PPP2R2A: variants seen among roughly 807,000 people sequenced by gnomAD.
The protein encoded by PPP2R2A is serine/threonine-protein phosphatase 2A 55 kDa regulatory subunit B alpha isoform.
Under a neutral mutation model 53.2 loss-of-function variants are expected in PPP2R2A, and 9 were observed. That is an observed-to-expected ratio of 0.17 (90% CI 0.10 to 0.30). The LOEUF is 0.30. PPP2R2A is among the 10% of genes least tolerant of loss of function. The pLI is 1.00. For missense variants in PPP2R2A, 235 were observed against 534.6 expected (o/e 0.44, Z 5.53); for synonymous variants, 169 against 174.2 (o/e 0.97, Z 0.23).
At chr8:26,307,016 T>C (rs540763376) in intron 2 of PPP2R2A, among the ~76,000 whole-genome samples, 1 of 152,318 alleles carries the variant, frequency 6.6e-6, no homozygotes, top group East Asian at 1.9e-4. Flanking sequence ...CATTTTGGAC[T>C]TGAAAGTAGG....
intron 1 of PPP2R2A, chr8:26,293,129 C>G: frequency 9.2e-7 from 1 of 1,082,578 alleles, no homozygotes; most frequent in Non-Finnish European, 1.3e-6. Context: ...TTCTTTTCCT[C>G]TCTGTCTGGA....
chr8:26,370,374 TACAA>T lies in PPP2R2A; in HGVS notation c.1310_1313del (p.Asn437IlefsTer9). The T allele has an allele frequency of 6.2e-7, 1 of 1,614,210 alleles. No homozygotes were observed. Among genetic ancestry groups the T allele is most frequent in the Non-Finnish European group, 8.5e-7 (1 of 1,180,028 alleles). ...AGGAAAATATCATTGCCGTAGCTAC[TACAA>T]ACAATCTGTATATATTTCAAGACAA... is the stretch of plus-strand genomic sequence containing the variant. On this transcript the variant is annotated frameshift_variant, in exon 10 of 10. Transcript: ENST00000380737. LOFTEE classifies it high-confidence loss of function. This position sits in a 1 kb window ranked among gnomAD's most constrained non-coding sequence, Gnocchi z 6.1.
intron 2 of PPP2R2A, among the ~76,000 whole-genome samples, chr8:26,322,592 A>G (rs1036441198): frequency 1.7e-4 from 25 of 146,364 alleles, no homozygotes; most frequent in Non-Finnish European, 2.7e-4. Context: ...ACTACTTGGG[A>G]AAAAAAAAAA....
chr8:26,353,186 G>A (rs1468460530), intron 3 of PPP2R2A, among the ~76,000 whole-genome samples: 1 of 152,092 alleles, frequency 6.6e-6, no homozygotes, highest in East Asian at 1.9e-4. Context: ...TTTGTGTATG[G>A]GTATGGTGAT....
rs112898383 is a variant in PPP2R2A, at chr8:26,364,699, C to A, written c.972+809C>A. Among the ~76,000 whole-genome samples the A allele has an allele frequency of 1.7e-3, 260 of 152,260 alleles. 2 individuals are homozygous for A. The highest frequency in any genetic ancestry group is 6.1e-3 in the African/African-American group (255 of 41,542). On this transcript the variant is annotated intron_variant, in intron 8 of 9. Coordinates refer to ENST00000380737, the MANE Select transcript of PPP2R2A (RefSeq NM_002717.4). Reference sequence around the variant, plus strand: ...GATACGTGAAATTTCAAAATAAATACTGCACTGAAACAAAAGACAAAATAC... The same window carrying A: ...GATACGTGAAATTTCAAAATAAATAATGCACTGAAACAAAAGACAAAATAC...
At position 26,355,586 on chromosome 8, in the gene PPP2R2A, C is replaced by T. The variant is rs571136850; in HGVS notation, c.346+953C>T. Among the ~76,000 whole-genome samples the T allele has an allele frequency of 1.1e-3, 163 of 152,128 alleles. 1 individual carries two copies. The highest frequency in any genetic ancestry group is 1.1e-3 in the Non-Finnish European group (78 of 67,990). ...GGATTAAAAGTTAGTAATGACAGGC[C>T]GGGCGTGGTGGCTCACGCCTGTAAT... On this transcript the variant is annotated intron_variant, in intron 4 of 9. Coordinates refer to ENST00000380737, the MANE Select transcript of PPP2R2A (RefSeq NM_002717.4).
Position 26,359,295 on chromosome 8 carries a change from G to A in PPP2R2A, c.347-874G>A, listed in dbSNP as rs79262605. ...CTAAATGCAGTGTTGTTTGAATTCT[G>A]GAGCAGAAAAGGAATGTTAGTGGAA... On this transcript the variant is annotated intron_variant, in intron 4 of 9. Coordinates refer to ENST00000380737, the MANE Select transcript of PPP2R2A (RefSeq NM_002717.4). Among the ~76,000 whole-genome samples, 426 of 152,284 alleles carry A rather than the reference G, an allele frequency of 2.8e-3. 2 individuals are homozygous for A. The highest frequency in any genetic ancestry group is 9.6e-3 in the African/African-American group (399 of 41,554).
intron 2 of PPP2R2A, among the ~76,000 whole-genome samples, chr8:26,328,316 T>C (rs930899228): frequency 2.0e-5 from 3 of 152,218 alleles, no homozygotes; most frequent in African/African-American, 7.2e-5. Context: ...AAAAACTTAG[T>C]ATGAACTATA....
At chr8:26,329,311 A>G (rs1319373620) in intron 2 of PPP2R2A, among the ~76,000 whole-genome samples, 1 of 152,000 alleles carries the variant, frequency 6.6e-6, no homozygotes, top group Non-Finnish European at 1.5e-5. Context: ...TGTATTTGTC[A>G]TTTATATTTT....
chr8:26,305,346 G>A (rs1467177405), intron 2 of PPP2R2A, among the ~76,000 whole-genome samples: 1 of 151,912 alleles, frequency 6.6e-6, no homozygotes, highest in Non-Finnish European at 1.5e-5. Context: ...TTTAACTCTC[G>A]AGCTCCTAGT....
chr8:26,365,499 C>G (rs532230546), intron 8 of PPP2R2A: 1 of 152,242 alleles, frequency 6.6e-6, no homozygotes, highest in African/African-American at 2.4e-5. Flanking sequence ...TTAGAAGGTA[C>G]CTTCTCATTT....
Position 26,360,747 on chromosome 8 carries a change from AATTCTAATAGT to A in PPP2R2A, c.460-223_460-213del. The A allele has an allele frequency of 2.2e-6, 1 of 456,270 alleles. No homozygotes were observed. The highest frequency in any genetic ancestry group is 3.8e-6 in the Non-Finnish European group (1 of 263,612). 28.3% of individuals were successfully genotyped at this position (456,270 alleles called of 1,614,324 possible). Reference sequence around the variant, plus strand: ...CAAAATATTGAAACTAAGAACTGCAAATTCTAATAGTATTGCAACCAGTAAAAGAAGATATA... The same window carrying A: ...CAAAATATTGAAACTAAGAACTGCAAATTGCAACCAGTAAAAGAAGATATA... On this transcript the variant is annotated intron_variant, in intron 5 of 9. Transcript: ENST00000380737. This position sits in a 1 kb window ranked among gnomAD's most constrained non-coding sequence, Gnocchi z 4.5.
intron 3 of PPP2R2A, among the ~76,000 whole-genome samples, chr8:26,351,171 T>G (rs1804483219): frequency 6.6e-6 from 1 of 152,112 alleles, no homozygotes; most frequent in African/African-American, 2.4e-5. Flanking sequence ...TAAGAAATAC[T>G]TTTCAACCCC....
At chr8:26,318,647 C>T (rs901628424) in intron 2 of PPP2R2A, among the ~76,000 whole-genome samples, 5 of 152,070 alleles carry the variant, frequency 3.3e-5, no homozygotes, top group African/African-American at 7.2e-5. Context: ...AAATTGATAC[C>T]GCAGGGTTAT....
rs572254963 is a variant in PPP2R2A, at chr8:26,316,966, C to G, written c.83-21924C>G. Among the ~76,000 whole-genome samples the G allele has an allele frequency of 4.0e-4, 61 of 152,302 alleles. 3 individuals carry two copies. In the South Asian group the frequency reaches 0.011, roughly 28 times the overall value. Reference sequence around the variant, plus strand: ...TAGTCAGTTACTGATTGCAGGGCAACTAAAATACCAGTTTTCCATTGGGAA... The same window carrying G: ...TAGTCAGTTACTGATTGCAGGGCAAGTAAAATACCAGTTTTCCATTGGGAA... On this transcript the variant is annotated intron_variant, in intron 2 of 9. Transcript: ENST00000380737.
chr8:26,341,543 A>C (rs774581786), intron 3 of PPP2R2A, among the ~76,000 whole-genome samples: 7 of 152,214 alleles, frequency 4.6e-5, no homozygotes, highest in Admixed American at 2.6e-4. Context: ...TAAAATCCAA[A>C]TTATTTAACA....
rs949097626 is a variant in PPP2R2A at position 26,291,570 on chromosome 8, C to T, written c.-250C>T. 2.8e-5 allele frequency: 15 copies of T among 539,786 alleles called. No homozygotes were observed. The East Asian group carries it at 4.1e-4, about 15-fold the overall frequency. The allele number at this position is 539,786 out of a possible 1,614,324, so 33.4% of individuals were successfully genotyped here. The stretch of plus-strand genomic sequence containing the variant: ...CCCCTGCCGCTGCCGCCGCCGCCGT[C>T]GCTGTCGTAGTCGCCGCCGCCGCTG... On this transcript the variant is annotated 5_prime_UTR_variant, in exon 1 of 10. Coordinates refer to ENST00000380737, the MANE Select transcript of PPP2R2A (RefSeq NM_002717.4).
At chr8:26,335,774 C>T (rs1803625108) in intron 2 of PPP2R2A, among the ~76,000 whole-genome samples, 1 of 152,084 alleles carries the variant, frequency 6.6e-6, no homozygotes, top group African/African-American at 2.4e-5. Flanking sequence ...CTGTTTGGGC[C>T]AGTTGTTTCT....
chr8:26,366,257 T>G, intron 8 of PPP2R2A, 58 bp from the exon 9 acceptor site: 2 of 1,378,214 alleles, frequency 1.5e-6, no homozygotes, highest in Non-Finnish European at 2.0e-6. Flanking sequence ...TTTAAAGATA[T>G]GGACTTGTTA....
Sources: allele counts gnomAD v4.1 joint callset (sites outside exome capture counted in the v4.1 genomes callset), GRCh38; gene constraint gnomAD v4.1.1; non-coding constraint Gnocchi (gnomAD v3.1); transcripts MANE v1.5; gene names NCBI Gene and HGNC (gene_info 2026-07-23, HGNC 2026-07-21).